The following DGKG variants were observed in gnomAD, a reference collection of about 807,000 sequenced individuals.
The protein encoded by DGKG is diacylglycerol kinase gamma.
In DGKG, 78 loss-of-function variants were observed where a neutral mutation model predicts 105.3. The ratio of observed to expected loss-of-function variants is 0.74; its 90% CI spans 0.62 to 0.89. The LOEUF (loss-of-function observed/expected upper bound fraction) is 0.89. Among genes scored for constraint, DGKG ranks in the 40% least tolerant of loss-of-function variants. The pLI is 0.00. For synonymous variants in DGKG, 346 were observed against 367.1 expected (o/e 0.94, Z 0.66); for missense variants, 958 against 1,020.1 (o/e 0.94, Z 0.83).
chr3:186,297,999 C>G, intron 4 of DGKG, 65 bp downstream of exon 4: 1 of 1,535,844 alleles, frequency 6.5e-7, no homozygotes, highest in Non-Finnish European at 8.8e-7. Flanking sequence ...GGAATGCAGT[C>G]TGTGGCTGTG....
rs1007857160 is a variant in DGKG, at chr3:186,156,007, T to C, written c.2277+5596A>G. Among the ~76,000 whole-genome samples the C allele has an allele frequency of 6.6e-5, 10 of 152,226 alleles. 1 individual carries two copies. The highest frequency in any genetic ancestry group is 4.6e-4 in the Admixed American group (7 of 15,280). On this transcript the variant is annotated intron_variant, in intron 24 of 24. Transcript: ENST00000265022. ...TATTGCATTGTTAGTATTTTTTTTT[T>C]CCGCTGGATTCTAATAGCTGGTTTC... is the stretch of plus-strand genomic sequence containing the variant.
rs1725032083 is a variant in DGKG, at chr3:186,320,603, C to T, written c.-144G>A. The T allele has an allele frequency of 7.5e-7, 1 of 1,342,024 alleles. No individual in the cohort carries two copies. The highest frequency in any genetic ancestry group is 2.5e-5 in the East Asian group (1 of 39,798). The allele number at this position is 1,342,024 out of a possible 1,614,324, so 83.1% of individuals were successfully genotyped here. A position where few individuals can be genotyped will look rare whatever the true frequency, so the allele number is the denominator to read the frequency against. ...ACTTCTGGGAGCACTCAAGTGTATACAGCAGCAGCAGGCACCTCTCAGAAG... is the reference window on the plus strand; with the variant it reads ...ACTTCTGGGAGCACTCAAGTGTATATAGCAGCAGCAGGCACCTCTCAGAAG... On this transcript the variant is annotated 5_prime_UTR_variant, in exon 2 of 25. Coordinates refer to ENST00000265022, the MANE Select transcript of DGKG (RefSeq NM_001346.3).
intron 3 of DGKG, among the ~76,000 whole-genome samples, chr3:186,302,646 A>ATATCTATATC (rs1560144019): frequency 1.4e-5 from 2 of 146,080 alleles, no homozygotes; most frequent in African/African-American, 5.0e-5. Flanking sequence ...ATATCTATAT[A>ATATCTATATC]TCTATATATC....
rs1476022751 is a variant in DGKG, at chr3:186,184,644, C to T, written c.2095+3558G>A. Among the ~76,000 whole-genome samples the T allele has an allele frequency of 2.6e-5, 4 of 152,274 alleles. No homozygotes were observed. In the South Asian group the frequency reaches 6.2e-4, roughly 24 times the overall value. Reference sequence around the variant, plus strand: ...CAAACTCCTGACCTCAAGTGATTCGCCTGCCTCGGCCTCCCAAAGTGCTGG... The same window carrying T: ...CAAACTCCTGACCTCAAGTGATTCGTCTGCCTCGGCCTCCCAAAGTGCTGG... On this transcript the variant is annotated intron_variant, in intron 22 of 24. Transcript: ENST00000265022.
At chr3:186,350,061 G>GT (rs1473259389) in intron 1 of DGKG, among the ~76,000 whole-genome samples, 1 of 151,784 alleles carries the variant, frequency 6.6e-6, no homozygotes, top group Non-Finnish European at 1.5e-5. Context: ...TTTTTGTGTA[G>GT]TTTTTTTAAG....
intron 1 of DGKG, among the ~76,000 whole-genome samples, chr3:186,351,863 TAGG>T (rs1726646928): frequency 6.6e-6 from 1 of 152,228 alleles, no homozygotes; most frequent in Non-Finnish European, 1.5e-5. Context: ...AATGCACATG[TAGG>T]AGATTTACCA....
chr3:186,318,485 A>G (rs1266653881), intron 2 of DGKG, among the ~76,000 whole-genome samples: 1 of 152,068 alleles, frequency 6.6e-6, no homozygotes, highest in Non-Finnish European at 1.5e-5. Context: ...CTAAACCTCA[A>G]ATTTATGTGT....
intron 9 of DGKG, among the ~76,000 whole-genome samples, chr3:186,278,266 A>T (rs185568034): frequency 5.3e-4 from 81 of 152,108 alleles, no homozygotes; most frequent in Non-Finnish European, 7.9e-4. Flanking sequence ...AATGAGAAAA[A>T]AAAAATGGTG....
At chr3:186,264,285 A>G (rs1721934846) in intron 14 of DGKG, among the ~76,000 whole-genome samples, 2 of 111,740 alleles carry the variant, frequency 1.8e-5, no homozygotes, top group East Asian at 2.7e-4. Flanking sequence ...TTCTTTTGAG[A>G]CATAATCTCC....
At chr3:186,324,104 C>CAAAA (rs561960985) in intron 1 of DGKG, among the ~76,000 whole-genome samples, 60 of 58,312 alleles carry the variant, frequency 1.0e-3, no homozygotes, top group African/African-American at 3.4e-3. Context: ...GAGAGTCTGT[C>CAAAA]AAAAAAAAAA....
intron 1 of DGKG, among the ~76,000 whole-genome samples, chr3:186,341,143 G>A (rs1726066717): frequency 6.6e-6 from 1 of 152,192 alleles, no homozygotes; most frequent in African/African-American, 2.4e-5. Flanking sequence ...GAAGGACTTG[G>A]GAATAGGGAT....
At position 186,210,103 on chromosome 3, in the gene DGKG, G is replaced by A. The variant is rs73180309; in HGVS notation, c.1917+1692C>T. Among the ~76,000 whole-genome samples the A allele has an allele frequency of 6.0e-4, 92 of 152,292 alleles. 1 individual carries two copies. Among genetic ancestry groups the A allele is most frequent in the Admixed American group, 4.0e-3 (61 of 15,306 alleles). On this transcript the variant is annotated intron_variant, in intron 21 of 24. Coordinates refer to ENST00000265022, the MANE Select transcript of DGKG (RefSeq NM_001346.3). The surrounding 1 kb of genome is among the most constrained non-coding windows in gnomAD (Gnocchi z 5.2). ...CTGTCTCTCAAACCCAGAGGGGACT[G>A]TGGGGCCTGGAGCCGGGAGGGCAGG... is the stretch of plus-strand genomic sequence containing the variant.
At chr3:186,237,085 G>A (rs1301197124) in intron 20 of DGKG, among the ~76,000 whole-genome samples, 1 of 152,158 alleles carries the variant, frequency 6.6e-6, no homozygotes, top group East Asian at 1.9e-4. Flanking sequence ...GGGATTCTTG[G>A]CTCCTCTGCT....
chr3:186,283,877 T>A (rs1352102714), intron 7 of DGKG, among the ~76,000 whole-genome samples: 1 of 152,350 alleles, frequency 6.6e-6, no homozygotes, highest in Non-Finnish European at 1.5e-5. Context: ...ACTTCTTCCC[T>A]TCCTTCCTTC....
intron 7 of DGKG, 135 bp from the exon 8 acceptor site, chr3:186,280,879 A>C (rs1355404811): frequency 1.5e-6 from 1 of 666,968 alleles, no homozygotes; most frequent in African/African-American, 1.8e-5. Flanking sequence ...AGTAACTGCC[A>C]TTTTGTGAGG....
At chr3:186,250,418 C>T (rs1721153502) in intron 19 of DGKG, among the ~76,000 whole-genome samples, 1 of 152,022 alleles carries the variant, frequency 6.6e-6, no homozygotes, top group East Asian at 1.9e-4. Flanking sequence ...TGCAGCAACT[C>T]ACCATGGCAC....
At chr3:186,345,223 G>A (rs1050557839) in intron 1 of DGKG, among the ~76,000 whole-genome samples, 1 of 152,088 alleles carries the variant, frequency 6.6e-6, no homozygotes, top group Non-Finnish European at 1.5e-5. Context: ...TTTAGTTTTT[G>A]TGGCATCTCC....
At chr3:186,333,094 G>A (rs1389966623) in intron 1 of DGKG, among the ~76,000 whole-genome samples, 2 of 152,140 alleles carry the variant, frequency 1.3e-5, no homozygotes, top group Non-Finnish European at 2.9e-5. Flanking sequence ...CCCAGCTTCA[G>A]GTATCCCGTT....
intron 24 of DGKG, among the ~76,000 whole-genome samples, chr3:186,151,691 C>A (rs1715768037): frequency 6.6e-6 from 1 of 152,168 alleles, no homozygotes; most frequent in South Asian, 2.1e-4. Context: ...TGGAGAATAA[C>A]ATGACACAAA....
Sources: gnomAD v4.1 joint callset for allele counts (sites outside exome capture counted in the v4.1 genomes callset) on GRCh38, gnomAD v4.1.1 for gene constraint, Gnocchi (gnomAD v3.1) non-coding constraint, MANE v1.5 for transcripts, NCBI Gene and HGNC (gene_info 2026-07-23, HGNC 2026-07-21) for gene names.